VWC2: variants seen among roughly 807,000 people sequenced by gnomAD.
VWC2 encodes the protein brorin.
A neutral mutation model predicts 29.8 loss-of-function variants in VWC2; 14 were observed. The ratio of observed to expected loss-of-function variants is 0.47; its 90% CI spans 0.31 to 0.74. The LOEUF (loss-of-function observed/expected upper bound fraction) is 0.74. Ranked by LOEUF, VWC2 falls within the 30% of genes least tolerant of loss-of-function variation. The pLI is 0.05. For missense variants in VWC2, 457 were observed against 459.8 expected, an observed-to-expected ratio of 0.99 and a Z score of 0.05; for synonymous variants, 213 against 199.0, an observed-to-expected ratio of 1.07 and a Z score of -0.59.
intron 3 of VWC2, among the ~76,000 whole-genome samples, chr7:49,817,235 G>T (rs752618333): frequency 6.6e-5 from 10 of 152,124 alleles, no homozygotes; most frequent in Non-Finnish European, 1.3e-4. Flanking sequence ...TTAATACAGT[G>T]CTCTAAAATA....
chr7:49,788,864 G>C (rs1157781973), intron 2 of VWC2, among the ~76,000 whole-genome samples: 1 of 142,998 alleles, frequency 7.0e-6, no homozygotes, highest in East Asian at 2.1e-4. Context: ...GTGTGAGCGT[G>C]TGTGTGGGGG....
At chr7:49,774,456 C>A (rs1788008031) in intron 1 of VWC2, among the ~76,000 whole-genome samples, 1 of 152,198 alleles carries the variant, frequency 6.6e-6, no homozygotes, top group Non-Finnish European at 1.5e-5. Flanking sequence ...CCCCTTTGGG[C>A]GGCAGAAACT....
At chr7:49,844,717 A>G (rs921510530) in intron 3 of VWC2, among the ~76,000 whole-genome samples, 2 of 151,770 alleles carry the variant, frequency 1.3e-5, no homozygotes, top group African/African-American at 4.8e-5. Context: ...TTTGAGACGG[A>G]GTTTGGCTCT....
At chr7:49,871,839 A>G (rs556178740) in intron 3 of VWC2, among the ~76,000 whole-genome samples, 10 of 151,864 alleles carry the variant, frequency 6.6e-5, no homozygotes, top group African/African-American at 2.4e-4. Flanking sequence ...ACATACATAC[A>G]TGTACATGTA....
intron 3 of VWC2, among the ~76,000 whole-genome samples, chr7:49,881,485 C>T (rs1016228147): frequency 5.3e-5 from 8 of 152,146 alleles, no homozygotes; most frequent in African/African-American, 1.9e-4. Context: ...TACCCATGCA[C>T]AAAACGTCCT....
At chr7:49,866,285 G>T (rs1790887825) in intron 3 of VWC2, among the ~76,000 whole-genome samples, 5 of 152,188 alleles carry the variant, frequency 3.3e-5, no homozygotes. Flanking sequence ...GCTGTGCCAG[G>T]TGTCTTGCTA....
chr7:49,816,115 T>G (rs1250163113), intron 3 of VWC2, among the ~76,000 whole-genome samples: 1 of 152,094 alleles, frequency 6.6e-6, no homozygotes, highest in African/African-American at 2.4e-5. Flanking sequence ...ATTTGTTACT[T>G]AAGCCTGTAG....
intron 3 of VWC2, among the ~76,000 whole-genome samples, chr7:49,882,534 C>G (rs556052759): frequency 6.6e-6 from 1 of 151,682 alleles, no homozygotes; most frequent in Non-Finnish European, 1.5e-5. Context: ...CAGAGGGACA[C>G]ACAGAGAGAG....
intron 3 of VWC2, among the ~76,000 whole-genome samples, chr7:49,862,511 G>A (rs1467479862): frequency 6.6e-6 from 1 of 152,158 alleles, no homozygotes; most frequent in African/African-American, 2.4e-5. Context: ...TTGAATAGCA[G>A]TGGTGAAATT....
intron 3 of VWC2, among the ~76,000 whole-genome samples, chr7:49,875,104 G>GTTTTTCAGTTACAAGAATTAT (rs1307252720): frequency 6.6e-6 from 1 of 151,468 alleles, no homozygotes; most frequent in Non-Finnish European, 1.5e-5. Flanking sequence ...GGGCACGGTG[G>GTTTTTCAGTTACAAGAATTAT]CTCATGCCTG....
intron 2 of VWC2, among the ~76,000 whole-genome samples, chr7:49,792,455 C>G (rs985297911): frequency 8.5e-5 from 13 of 152,220 alleles, no homozygotes; most frequent in African/African-American, 3.1e-4. Flanking sequence ...CAGGCAGTGA[C>G]TGCGAGGATT....
intron 1 of VWC2, among the ~76,000 whole-genome samples, chr7:49,774,574 G>T (rs534890241): frequency 2.6e-5 from 4 of 152,332 alleles, no homozygotes; most frequent in African/African-American, 9.6e-5. Context: ...TGCTGCCCGG[G>T]CGCTTCTGCT....
chr7:49,859,452 T>A (rs920622432), intron 3 of VWC2, among the ~76,000 whole-genome samples: 6 of 152,202 alleles, frequency 3.9e-5, no homozygotes, highest in African/African-American at 1.4e-4. Flanking sequence ...ATGATACTGA[T>A]TTTTGTGTGT....
chr7:49,774,656 C>G (rs945680135), intron 1 of VWC2, among the ~76,000 whole-genome samples: 1 of 152,142 alleles, frequency 6.6e-6, no homozygotes, highest in African/African-American at 2.4e-5. Context: ...AGGGGCGGGC[C>G]GGCAGAGGAG....
At chr7:49,878,280 A>G (rs1243636255) in intron 3 of VWC2, among the ~76,000 whole-genome samples, 1 of 152,170 alleles carries the variant, frequency 6.6e-6, no homozygotes, top group African/African-American at 2.4e-5. Flanking sequence ...TGCAGACAGC[A>G]GTCACTGAGA....
chr7:49,775,233 C>G (rs1359600904), intron 1 of VWC2, 100 bp from the exon 2 acceptor site: 2 of 284,594 alleles, frequency 7.0e-6, no homozygotes, highest in Non-Finnish European at 1.3e-5. Context: ...CGTCGCCCAG[C>G]TCGTTAATCT....
Position 49,775,674 on chromosome 7 carries a change from GCGGCCGTGGGCTCGC to G in VWC2, c.248_262del (p.Gly83_Arg87del). 1 of 1,524,584 alleles carries G rather than the reference GCGGCCGTGGGCTCGC, an allele frequency of 6.6e-7. No homozygotes were observed. The highest frequency in any genetic ancestry group is 8.8e-7 in the Non-Finnish European group (1 of 1,139,294). The allele number at this position is 1,524,584 out of a possible 1,614,324, so 94.4% of individuals were successfully genotyped here. The stretch of plus-strand genomic sequence containing the variant: ...AGCGGCCGGGACTGGAAGAGCAAGA[GCGGCCGTGGGCTCGC>G]CGGCCGTGAGCCGTGGAGCAAGCTG... On this transcript the variant is annotated inframe_deletion, in exon 2 of 4. Transcript: ENST00000340652.
rs556767976 is a variant in VWC2, at chr7:49,921,513, C to A, written c.*9328C>A. ...ACTTACTGGTTATTTATCAGGTACA[C>A]GTTACCTACCTCTCTGTAACTCAGA... is the stretch of plus-strand genomic sequence containing the variant. On this transcript the variant is annotated 3_prime_UTR_variant, in exon 4 of 4. Coordinates refer to ENST00000340652, the MANE Select transcript of VWC2 (RefSeq NM_198570.5). The A allele has an allele frequency of 1.3e-5, 2 of 152,186 alleles. No homozygotes were observed. The highest frequency in any genetic ancestry group is 4.8e-5 in the African/African-American group (2 of 41,450). 9.4% of individuals were successfully genotyped at this position (152,186 alleles called of 1,614,324 possible).
intron 3 of VWC2, among the ~76,000 whole-genome samples, chr7:49,851,726 C>T (rs1056949402): frequency 1.3e-5 from 2 of 152,166 alleles, no homozygotes; most frequent in Non-Finnish European, 2.9e-5. Context: ...GGCGTGCTGG[C>T]ACACGCCTAT....
Sources: allele counts gnomAD v4.1 joint callset (sites outside exome capture counted in the v4.1 genomes callset), GRCh38; gene constraint gnomAD v4.1.1; transcripts MANE v1.5; gene names NCBI Gene and HGNC (gene_info 2026-07-23, HGNC 2026-07-21).